GRIK4: variants seen among roughly 807,000 people sequenced by gnomAD.
The protein encoded by GRIK4 is glutamate receptor ionotropic, kainate 4.
GRIK4 carries 40 observed loss-of-function variants against 104.9 expected under a neutral mutation model. The observed-to-expected ratio is 0.38, with a 90% CI of 0.30 to 0.50. The LOEUF is 0.50. Ranked by LOEUF, GRIK4 falls within the 20% of genes least tolerant of loss-of-function variation. The pLI is 0.93. For synonymous variants in GRIK4, 485 were observed against 524.9 expected (o/e 0.92, Z 1.04); for missense variants, 1,047 against 1,308.1 (o/e 0.80, Z 3.08).
At chr11:120,543,117 G>C (rs927281432) in intron 1 of GRIK4, among the ~76,000 whole-genome samples, 1 of 152,224 alleles carries the variant, frequency 6.6e-6, no homozygotes, top group South Asian at 2.1e-4. Flanking sequence ...ATGGAAAACA[G>C]TATGGGGTGG....
At chr11:120,828,660 A>G (rs534654429) in intron 6 of GRIK4, among the ~76,000 whole-genome samples, 3 of 152,326 alleles carry the variant, frequency 2.0e-5, no homozygotes, top group East Asian at 3.9e-4. Context: ...AGGTGTGTCC[A>G]GGTTGGGAAA....
At chr11:120,961,205 A>C in intron 17 of GRIK4, 131 bp downstream of exon 17, 1 of 805,756 alleles carries the variant, frequency 1.2e-6, no homozygotes. Context: ...GGAGGTCCAC[A>C]TGGGGCTCAT....
chr11:120,879,047 G>A (rs964716333), intron 11 of GRIK4, among the ~76,000 whole-genome samples: 1 of 152,178 alleles, frequency 6.6e-6, no homozygotes, highest in Non-Finnish European at 1.5e-5. Context: ...GCCCTTCAAG[G>A]CAGATAAATT....
chr11:120,982,663 G>T (rs1944671499), intron 20 of GRIK4, among the ~76,000 whole-genome samples: 1 of 152,180 alleles, frequency 6.6e-6, no homozygotes, highest in African/African-American at 2.4e-5. Flanking sequence ...AGTTTGAAAA[G>T]AAGGAAGAAG....
chr11:120,968,269 A>G (rs959969577), intron 19 of GRIK4, among the ~76,000 whole-genome samples: 3 of 152,198 alleles, frequency 2.0e-5, no homozygotes, highest in Admixed American at 2.0e-4. Flanking sequence ...GTTTCTATCT[A>G]TTGTAGATCA....
At chr11:120,896,681 G>A (rs1942591247) in intron 11 of GRIK4, among the ~76,000 whole-genome samples, 1 of 152,244 alleles carries the variant, frequency 6.6e-6, no homozygotes, top group South Asian at 2.1e-4. Flanking sequence ...CTCACTCTCA[G>A]TCCTCTGGCC....
At chr11:120,761,031 C>T (rs1335994316) in intron 3 of GRIK4, among the ~76,000 whole-genome samples, 1 of 152,132 alleles carries the variant, frequency 6.6e-6, no homozygotes, top group Non-Finnish European at 1.5e-5. Context: ...ACACTGTCTT[C>T]CACAATGGTT....
At chr11:120,631,225 G>A (rs1949329071) in intron 1 of GRIK4, among the ~76,000 whole-genome samples, 1 of 152,228 alleles carries the variant, frequency 6.6e-6, no homozygotes, top group Non-Finnish European at 1.5e-5. Flanking sequence ...GTATCTCCTA[G>A]TTCTGACAGT....
chr11:120,633,682 G>A (rs904838027), intron 1 of GRIK4, among the ~76,000 whole-genome samples: 19 of 152,204 alleles, frequency 1.2e-4, no homozygotes, highest in African/African-American at 4.1e-4. Context: ...TCAAATGAAA[G>A]GGGATGGGCT....
intron 7 of GRIK4, among the ~76,000 whole-genome samples, chr11:120,834,156 G>A (rs1953509453): frequency 6.6e-6 from 1 of 152,190 alleles, no homozygotes; most frequent in African/African-American, 2.4e-5. Flanking sequence ...TGATTTGCCA[G>A]ATTGCATTTT....
intron 13 of GRIK4, among the ~76,000 whole-genome samples, chr11:120,934,408 G>A (rs976330203): frequency 2.0e-5 from 3 of 152,104 alleles, no homozygotes; most frequent in Non-Finnish European, 4.4e-5. Flanking sequence ...AGGAAGCCCG[G>A]AGTGGGAGCA....
At chr11:120,813,273 G>A (rs1287805498) in intron 4 of GRIK4, among the ~76,000 whole-genome samples, 2 of 152,106 alleles carry the variant, frequency 1.3e-5, no homozygotes, top group Admixed American at 6.5e-5. Flanking sequence ...TGACCAGAGC[G>A]GAGGCACTTC....
At chr11:120,581,344 G>A (rs1233322423) in intron 1 of GRIK4, among the ~76,000 whole-genome samples, 1 of 152,226 alleles carries the variant, frequency 6.6e-6, no homozygotes, top group Non-Finnish European at 1.5e-5. Flanking sequence ...AACGGTTTCA[G>A]AAGACAGCCT....
intron 1 of GRIK4, among the ~76,000 whole-genome samples, chr11:120,535,440 A>G (rs942964311): frequency 5.3e-5 from 8 of 151,976 alleles, no homozygotes; most frequent in African/African-American, 1.7e-4. Flanking sequence ...AGGAGGGGGT[A>G]GGGAGCAGGC....
At chr11:120,655,288 G>T (rs1004952573) in intron 2 of GRIK4, among the ~76,000 whole-genome samples, 8 of 151,780 alleles carry the variant, frequency 5.3e-5, no homozygotes, top group African/African-American at 1.9e-4. Flanking sequence ...CAGGGGATGG[G>T]ACTGCATTCC....
intron 4 of GRIK4, among the ~76,000 whole-genome samples, chr11:120,809,019 G>C (rs1327212030): frequency 6.6e-6 from 1 of 152,134 alleles, no homozygotes; most frequent in Non-Finnish European, 1.5e-5. Flanking sequence ...TTCCTGGAGG[G>C]GGGCTACAGT....
Position 120,905,539 on chromosome 11 carries a change from G to GGGTGGC in GRIK4, c.1476+46_1476+47insGGTGGC. On this transcript the variant is annotated intron_variant, in intron 13 of 20. Transcript: ENST00000527524. The surrounding 1 kb of genome is among the most constrained non-coding windows in gnomAD (Gnocchi z 5.1). ...CTGGGCCTGAGGGTGGGCTGGGAGGGATTGGAAGAGCATGAGGTTGTGCTG... is the reference window on the plus strand; with the variant it reads ...CTGGGCCTGAGGGTGGGCTGGGAGGGGGTGGCATTGGAAGAGCATGAGGTTGTGCTG... 1 of 503,048 alleles carries GGGTGGC rather than the reference G, an allele frequency of 2.0e-6. No homozygotes were observed. The highest frequency in any genetic ancestry group is 4.0e-6 in the Non-Finnish European group (1 of 248,896). The allele number at this position is 503,048 out of a possible 1,614,324, so 31.2% of individuals were successfully genotyped here.
At chr11:120,562,290 T>C (rs1008188954) in intron 1 of GRIK4, among the ~76,000 whole-genome samples, 8 of 152,252 alleles carry the variant, frequency 5.3e-5, no homozygotes, top group Non-Finnish European at 1.2e-4. Flanking sequence ...CTTTTAATCA[T>C]TTTCCAATAA....
chr11:120,798,157 CTTTTTT>C (rs539833846), intron 3 of GRIK4, among the ~76,000 whole-genome samples: 2,095 of 68,196 alleles, frequency 0.031, 75 homozygotes, highest in African/African-American at 0.096. Flanking sequence ...TCTGCTGTCT[CTTTTTT>C]TTTTTTTTTT....
Sources: allele counts gnomAD v4.1 joint callset (sites outside exome capture counted in the v4.1 genomes callset), GRCh38; gene constraint gnomAD v4.1.1; non-coding constraint Gnocchi (gnomAD v3.1); transcripts MANE v1.5; gene names NCBI Gene and HGNC (gene_info 2026-07-23, HGNC 2026-07-21).